UBE3A: variants seen among roughly 807,000 people sequenced by gnomAD.
UBE3A encodes ubiquitin-protein ligase E3A.
Under a neutral mutation model 83.4 loss-of-function variants are expected in UBE3A, and 6 were observed. The observed-to-expected ratio is 0.07, with a 90% CI of 0.04 to 0.14. UBE3A has a LOEUF of 0.14. Among genes scored for constraint, UBE3A ranks in the 10% least tolerant of loss-of-function variants. The pLI is 1.00. For missense variants in UBE3A, 456 were observed against 1,036.1 expected (o/e 0.44, Z 7.69); for synonymous variants, 337 against 355.4 (o/e 0.95, Z 0.58).
intron 11 of UBE3A, among the ~76,000 whole-genome samples, chr15:25,352,353 T>C (rs1041495123): frequency 1.3e-5 from 2 of 152,328 alleles, no homozygotes; most frequent in Admixed American, 6.5e-5. Context: ...TATACAGGCA[T>C]ACCCCAGAGA....
intron 4 of UBE3A, among the ~76,000 whole-genome samples, chr15:25,400,401 C>T (rs149486201): frequency 4.6e-5 from 7 of 152,210 alleles, no homozygotes; most frequent in South Asian, 2.1e-4. Flanking sequence ...CCTAATACAA[C>T]GTAAATGCTA....
At chr15:25,391,745 A>C (rs2084441444) in intron 4 of UBE3A, 1 of 152,224 alleles carries the variant, frequency 6.6e-6, no homozygotes, top group Non-Finnish European at 1.5e-5. Flanking sequence ...CAATGAAAGA[A>C]AACAAGTTTA....
intron 1 of UBE3A, among the ~76,000 whole-genome samples, chr15:25,437,783 ACCTTTACCAACAAAAG>A (rs1281152029): frequency 1.3e-5 from 2 of 151,982 alleles, no homozygotes; most frequent in Admixed American, 1.3e-4. Flanking sequence ...ATTCAATTCT[ACCTTTACCAACAAAAG>A]CCTTTACCAC....
In UBE3A at chr15:25,336,783, C is replaced by CT. The variant is rs1047264054; in HGVS notation, c.*2353dup. On this transcript the variant is annotated 3_prime_UTR_variant, in exon 13 of 13. Transcript: ENST00000648336. ...AACCAGTTACTTTAGTTTATGGTTC[C>CT]TTTTTTTCCCTCCAGAGCTTCCTGG... is the stretch of plus-strand genomic sequence containing the variant. 6.6e-6 allele frequency: 1 copy of CT among 151,988 alleles called. No individual in the cohort carries two copies. Among genetic ancestry groups the CT allele is most frequent in the African/African-American group, 2.4e-5 (1 of 41,392 alleles). 9.4% of individuals were successfully genotyped at this position (151,988 alleles called of 1,614,324 possible). A position where few individuals can be genotyped will look rare whatever the true frequency, so the allele number is the denominator to read the frequency against.
intron 1 of UBE3A, among the ~76,000 whole-genome samples, chr15:25,430,046 T>TA: frequency 8.8e-6 from 1 of 113,580 alleles, no homozygotes; most frequent in Admixed American, 1.1e-4. Flanking sequence ...TATATATATA[T>TA]ATATTTATAT....
chr15:25,353,393 A>G (rs533839811), intron 11 of UBE3A, among the ~76,000 whole-genome samples: 4 of 152,340 alleles, frequency 2.6e-5, no homozygotes, highest in Non-Finnish European at 5.9e-5. Context: ...CCACGTGTGT[A>G]TACCAAAATC....
chr15:25,360,356 C>A lies in UBE3A; in HGVS notation c.1753+27G>T, dbSNP rs757862878. On this transcript the variant is annotated intron_variant, in intron 7 of 12. Coordinates refer to ENST00000648336, the MANE Select transcript of UBE3A (RefSeq NM_130839.5). Reference sequence around the variant, plus strand: ...AACTAACTCAAAAGATGATACGACACCATAATCACATTACTAATGTATTTA... The same window carrying A: ...AACTAACTCAAAAGATGATACGACAACATAATCACATTACTAATGTATTTA... 6 of 1,612,926 alleles carry A rather than the reference C, an allele frequency of 3.7e-6. No homozygotes were observed. In the Admixed American group the frequency reaches 6.7e-5, roughly 18 times the overall value.
rs748261720 is a variant in UBE3A at position 25,375,724 on chromosome 15, G to A, written c.102C>T (p.Tyr34=). The A allele has an allele frequency of 6.2e-7, 1 of 1,613,732 alleles. No homozygotes were observed. Among genetic ancestry groups the A allele is most frequent in the Non-Finnish European group, 8.5e-7 (1 of 1,180,024 alleles). Residue 34 remains tyrosine (Y), a synonymous_variant, in exon 5 of 13, where the codon TAC becomes TAT. Coordinates refer to ENST00000648336, the MANE Select transcript of UBE3A (RefSeq NM_130839.5). ...AAAKHLIERY[Y]HQLTEGCGNE... is the part of the protein sequence containing the mutation. The stretch of plus-strand genomic sequence containing the variant: ...TTCCACAGCCCTCAGTTAACTGGTG[G>A]TAGTAGCGTTCTATTAGATGCTTTG...
chr15:25,410,842 A>G (rs1400610282), intron 2 of UBE3A, among the ~76,000 whole-genome samples: 2 of 152,204 alleles, frequency 1.3e-5, no homozygotes, highest in Non-Finnish European at 2.9e-5. Flanking sequence ...CTGAGGTCAT[A>G]TGGGAAACAC....
intron 2 of UBE3A, among the ~76,000 whole-genome samples, chr15:25,410,625 G>C (rs896616151): frequency 6.6e-6 from 1 of 152,118 alleles, no homozygotes; most frequent in East Asian, 1.9e-4. Flanking sequence ...GAATACCAAC[G>C]GTTAAAACAT....
chr15:25,375,278 C>T (rs2081025382), intron 5 of UBE3A, 187 bp downstream of exon 5: 1 of 659,678 alleles, frequency 1.5e-6, no homozygotes, highest in Non-Finnish European at 2.5e-6. Context: ...TGATCTGCTT[C>T]TAATTAGCAA....
intron 4 of UBE3A, among the ~76,000 whole-genome samples, chr15:25,404,096 T>C (rs2087847992): frequency 6.6e-6 from 1 of 152,238 alleles, no homozygotes; most frequent in South Asian, 2.1e-4. Flanking sequence ...TTACATTATG[T>C]GTATTTTACT....
intron 4 of UBE3A, among the ~76,000 whole-genome samples, chr15:25,403,627 G>A (rs2087715908): frequency 6.6e-6 from 1 of 151,846 alleles, no homozygotes; most frequent in African/African-American, 2.4e-5. Flanking sequence ...TTCAAAGCAG[G>A]GTCTCAAAAA....
intron 11 of UBE3A, among the ~76,000 whole-genome samples, chr15:25,344,398 T>C (rs956147568): frequency 6.6e-6 from 1 of 152,176 alleles, no homozygotes; most frequent in African/African-American, 2.4e-5. Flanking sequence ...GCAAAGGCCA[T>C]ACTTTGCATC....
chr15:25,432,167 C>A (rs1893667003), intron 1 of UBE3A, among the ~76,000 whole-genome samples: 1 of 152,104 alleles, frequency 6.6e-6, no homozygotes, highest in African/African-American at 2.4e-5. Context: ...TTAACATGAG[C>A]TTTAGAGAGG....
intron 8 of UBE3A, 63 bp downstream of exon 8, chr15:25,356,628 A>T (rs2077253585): frequency 6.7e-7 from 1 of 1,500,564 alleles, no homozygotes; most frequent in Non-Finnish European, 9.2e-7. Flanking sequence ...TTTGACATAA[A>T]TTAAATTTTT....
chr15:25,354,501 A>G (rs776411035), intron 10 of UBE3A, 27 bp downstream of exon 10: 3 of 1,613,938 alleles, frequency 1.9e-6, no homozygotes. Flanking sequence ...TCGATACATG[A>G]CTTTTTGCAG....
At chr15:25,431,799 C>T (rs988780627) in intron 1 of UBE3A, among the ~76,000 whole-genome samples, 1 of 151,998 alleles carries the variant, frequency 6.6e-6, no homozygotes, top group African/African-American at 2.4e-5. Flanking sequence ...TTTTTCAATT[C>T]CCAAAACAAA....
Position 25,371,729 on chromosome 15 carries a change from C to T in UBE3A, c.445G>A (p.Val149Ile). Residue 149 changes from valine (V) to isoleucine (I), a missense_variant, in exon 6 of 13, where the codon GTT becomes ATT. Physicochemically the swap from Val to Ile is conservative, Grantham distance 29. Around this residue, in one of 13 missense-constraint regions of UBE3A, gnomAD observed 34 missense variants for 79.1 expected, o/e 0.43. Coordinates refer to ENST00000648336, the MANE Select transcript of UBE3A (RefSeq NM_130839.5). This position sits in a 1 kb window ranked among gnomAD's most constrained non-coding sequence, Gnocchi z 5.3. ...EREDYSPLIR[V>I]IGRVFSSAEA... Reference sequence around the variant, plus strand: ...GCACTAGAAAAAACTCTTCCAATAACACGGATTAAAGGGGAATAATCCTCT... The same window carrying T: ...GCACTAGAAAAAACTCTTCCAATAATACGGATTAAAGGGGAATAATCCTCT... The T allele has an allele frequency of 6.2e-7, 1 of 1,614,088 alleles. No homozygotes were observed. Among genetic ancestry groups the T allele is most frequent in the Non-Finnish European group, 8.5e-7 (1 of 1,180,024 alleles).
Sources: allele counts gnomAD v4.1 joint callset (sites outside exome capture counted in the v4.1 genomes callset), GRCh38; gene constraint gnomAD v4.1.1; regional missense constraint gnomAD v4.1.1; non-coding constraint Gnocchi (gnomAD v3.1); transcripts MANE v1.5; gene names NCBI Gene and HGNC (gene_info 2026-07-23, HGNC 2026-07-21).